The following LEO1 variants were observed in gnomAD, a reference collection of about 807,000 sequenced individuals.
LEO1 encodes the protein LEO1 component of Paf1/RNA polymerase II complex.
LEO1 carries 34 observed loss-of-function variants against 80.4 expected under a neutral mutation model. That is an observed-to-expected ratio of 0.42 (90% CI 0.32 to 0.56). The LOEUF is 0.56. LEO1 is among the 20% of genes least tolerant of loss of function. The probability of loss-of-function intolerance (pLI) is 0.10; values close to 1 mark genes in which losing one functional copy is unlikely to be tolerated. For missense variants in LEO1, 631 were observed against 814.2 expected (o/e 0.77, Z 2.74); for synonymous variants, 262 against 274.9 (o/e 0.95, Z 0.46).
intron 3 of LEO1, among the ~76,000 whole-genome samples, 159 bp downstream of exon 3, chr15:51,962,230 T>C (rs931890023): frequency 6.6e-6 from 1 of 151,912 alleles, no homozygotes; most frequent in African/African-American, 2.4e-5. Flanking sequence ...GAGCAGCTTC[T>C]CATAGCTATA....
intron 1 of LEO1, among the ~76,000 whole-genome samples, chr15:51,969,838 TAAAA>T (rs58342384): frequency 8.9e-5 from 8 of 89,964 alleles, no homozygotes; most frequent in East Asian, 3.5e-4. Context: ...GAGACTCCGT[TAAAA>T]AAAAAAAAAA....
Position 51,970,847 on chromosome 15 carries a change from A to C in LEO1, c.58+841T>G, listed in dbSNP as rs571610438. On this transcript the variant is annotated intron_variant, in intron 1 of 11. Transcript: ENST00000299601. ...CTCACTTCAAATAGCTCCTATTCAT[A>C]TTTCAAGTGCCCGTAGTCTCAACTA... Among the ~76,000 whole-genome samples the C allele has an allele frequency of 2.0e-5, 3 of 152,136 alleles. No individual in the cohort carries two copies. The South Asian group carries it at 6.2e-4, about 31-fold the overall frequency.
intron 11 of LEO1, among the ~76,000 whole-genome samples, chr15:51,942,921 C>CA (rs546843495): frequency 0.082 from 4,775 of 58,232 alleles, 212 homozygotes; most frequent in East Asian, 0.25. Flanking sequence ...GACTTTGTCT[C>CA]AAAAAAAAAA....
At chr15:51,963,078 A>G (rs1336537289) in intron 2 of LEO1, among the ~76,000 whole-genome samples, 1 of 152,124 alleles carries the variant, frequency 6.6e-6, no homozygotes, top group East Asian at 1.9e-4. Flanking sequence ...GGAATTCAAG[A>G]CCAGCCTGGC....
rs145765122 is a variant in LEO1 at position 51,956,406 on chromosome 15, G to C, written c.1246-1831C>G. 8.9e-5 allele frequency among the ~76,000 whole-genome samples: 11 copies of C among 123,806 alleles called. No homozygotes were observed. The East Asian group carries it at 2.7e-3, about 30-fold the overall frequency. The allele number at this position is 123,806 out of a possible 152,430, so 81.2% of individuals were successfully genotyped here. Reference sequence around the variant, plus strand: ...CTGCATTCCAGCCTGGGCGACGACAGAGCAAGACTCCATCTCAAAAAAAAA... The same window carrying C: ...CTGCATTCCAGCCTGGGCGACGACACAGCAAGACTCCATCTCAAAAAAAAA... On this transcript the variant is annotated intron_variant, in intron 6 of 11. Coordinates refer to ENST00000299601, the MANE Select transcript of LEO1 (RefSeq NM_138792.4).
chr15:51,964,988 C>A (rs925927552), intron 2 of LEO1, among the ~76,000 whole-genome samples: 7 of 152,094 alleles, frequency 4.6e-5, no homozygotes, highest in Admixed American at 4.6e-4. Flanking sequence ...AGTGCTGTAA[C>A]CCAAGCTCGT....
chr15:51,971,033 C>A (rs932213500), intron 1 of LEO1, among the ~76,000 whole-genome samples: 23 of 152,336 alleles, frequency 1.5e-4, no homozygotes, highest in African/African-American at 5.5e-4. Context: ...CTAATTCATT[C>A]ATTTCATCAA....
chr15:51,941,799 TTG>T (rs1177017286), intron 11 of LEO1, among the ~76,000 whole-genome samples: 1 of 152,380 alleles, frequency 6.6e-6, no homozygotes, highest in South Asian at 2.1e-4. Context: ...CTACTACATA[TTG>T]TGTTACTTTC....
chr15:51,966,497 A>C lies in LEO1; in HGVS notation c.66T>G (p.Asp22Glu). 1 of 1,561,146 alleles carries C rather than the reference A, an allele frequency of 6.4e-7. No homozygotes were observed. The highest frequency in any genetic ancestry group is 8.8e-7 in the Non-Finnish European group (1 of 1,135,132). The change falls in exon 2 of 12, where the codon GAT becomes GAG. Residue 22 changes from aspartate to glutamate, a missense_variant. Asp to Glu is a conservative substitution (Grantham distance 45). Transcript: ENST00000299601. ...GATCAGAATCTGAGTCAGATCCAGA[A>C]TCAGAATCTATGGGGTCATATAAAC... ...ADSEAERKDSDSGSDSDSDQE... is the reference protein window; with the variant it reads ...ADSEAERKDSESGSDSDSDQE...
At chr15:51,947,249 G>C (rs776341911) in intron 11 of LEO1, 43 bp downstream of exon 11, 21 of 1,326,320 alleles carry the variant, frequency 1.6e-5, no homozygotes, top group Non-Finnish European at 2.3e-5. Flanking sequence ...GTTGGCTCCT[G>C]AGTACAGGAT....
chr15:51,947,142 CTCTG>C, intron 11 of LEO1, 146 bp downstream of exon 11: 1 of 683,054 alleles, frequency 1.5e-6, no homozygotes, highest in African/African-American at 1.8e-5. Flanking sequence ...CTCTGGATCA[CTCTG>C]TCTTGTTACT....
Position 51,966,068 on chromosome 15 carries a change from C to A in LEO1, c.495G>T (p.Glu165Asp). The A allele has an allele frequency of 6.2e-7, 1 of 1,614,012 alleles. No homozygotes were observed. Among genetic ancestry groups the A allele is most frequent in the Non-Finnish European group, 8.5e-7 (1 of 1,180,028 alleles). The change falls in exon 2 of 12, where the codon GAG (glutamate) becomes GAT (aspartate). Residue 165 changes from glutamate (E) to aspartate (D), a missense_variant. Around this residue, in one of 4 missense-constraint regions of LEO1, gnomAD observed 394 missense variants for 395.6 expected, o/e 1.00. Transcript: ENST00000299601. ...DDEKIQNSDD[E>D]ERAQGSDEDK... ...CTTCATCAGATCCTTGTGCCCTCTC[C>A]TCATCATCAGAATTTTGTATCTTTT...
chr15:51,946,437 C>T (rs2056902023), intron 11 of LEO1, among the ~76,000 whole-genome samples: 1 of 152,182 alleles, frequency 6.6e-6, no homozygotes, highest in African/African-American at 2.4e-5. Context: ...CTCAGGTGAT[C>T]CGCTTGCCTC....
chr15:51,947,999 C>G (rs2056916596), intron 10 of LEO1, among the ~76,000 whole-genome samples: 1 of 152,158 alleles, frequency 6.6e-6, no homozygotes, highest in Non-Finnish European at 1.5e-5. Flanking sequence ...CTATTAAAGC[C>G]TGAGACATTC....
Position 51,953,156 on chromosome 15 carries a change from G to A in LEO1, c.1448C>T (p.Ala483Val). Residue 483 changes from alanine to valine, a missense_variant, in exon 8 of 12, where the codon GCA (alanine) becomes GTA (valine). Physicochemically the swap from Ala to Val is moderately conservative, Grantham distance 64 (BLOSUM62 0). This residue lies in a region of LEO1 where 25 missense variants were observed against 83.5 expected (regional missense o/e 0.30). Transcript: ENST00000299601. ...GAAGGTGAGTTTCGTTTTAAAGACT[G>A]CTTGTCCCTGTAGACCAGTACCTTG... is the stretch of plus-strand genomic sequence containing the variant. Reference protein sequence around the residue: ...IRQGTGLQGQAVFKTKLTFRP... With the variant: ...IRQGTGLQGQVVFKTKLTFRP... The A allele has an allele frequency of 6.2e-7, 1 of 1,613,510 alleles. No homozygotes were observed. The highest frequency in any genetic ancestry group is 8.5e-7 in the Non-Finnish European group (1 of 1,179,488).
At chr15:51,943,489 C>G (rs1408520705) in intron 11 of LEO1, among the ~76,000 whole-genome samples, 1 of 151,662 alleles carries the variant, frequency 6.6e-6, no homozygotes, top group Non-Finnish European at 1.5e-5. Flanking sequence ...ATCACAAGGT[C>G]AGGAGTTCGA....
chr15:51,966,247 G>C lies in LEO1; in HGVS notation c.316C>G (p.Gln106Glu). ...HEDNDPSDVDQHSGSEAPNDD... is the reference protein window; with the variant it reads ...HEDNDPSDVDEHSGSEAPNDD... ...TTAGGGGCTTCTGATCCACTGTGCT[G>C]ATCTACATCTGAGGGGTCATTGTCC... The change falls in exon 2 of 12, where the codon CAG becomes GAG. Residue 106 changes from glutamine to glutamate, a missense_variant. Coordinates refer to ENST00000299601, the MANE Select transcript of LEO1 (RefSeq NM_138792.4). The C allele has an allele frequency of 1.2e-6, 2 of 1,613,932 alleles. No individual in the cohort carries two copies.
chr15:51,949,922 G>C lies in LEO1; in HGVS notation c.1684C>G (p.Gln562Glu). The change falls in exon 10 of 12, where the codon CAG becomes GAG. Residue 562 changes from glutamine to glutamate, a missense_variant. By Grantham distance (29) the Gln-to-Glu change is conservative. Around this residue, in one of 4 missense-constraint regions of LEO1, gnomAD observed 117 missense variants for 163.5 expected, o/e 0.72. Transcript: ENST00000299601. ...QQRRMREKQH[Q>E]RGLSASYLEP... ...AGGTAACTGGCGCTCAGCCCCCGCT[G>C]GTGCTGTTTCTCTCTCATTCGGCGC... 2 of 1,613,996 alleles carry C rather than the reference G, an allele frequency of 1.2e-6. No individual in the cohort carries two copies. The highest frequency in any genetic ancestry group is 1.7e-6 in the Non-Finnish European group (2 of 1,179,994).
At chr15:51,958,149 A>T (rs2057003520) in intron 6 of LEO1, among the ~76,000 whole-genome samples, 1 of 152,094 alleles carries the variant, frequency 6.6e-6, no homozygotes, top group African/African-American at 2.4e-5. Context: ...CCCTTGTGCA[A>T]CTCAATTCTA....
Sources: allele counts gnomAD v4.1 joint callset (sites outside exome capture counted in the v4.1 genomes callset), GRCh38; gene constraint gnomAD v4.1.1; regional missense constraint gnomAD v4.1.1; transcripts MANE v1.5; gene names NCBI Gene and HGNC (gene_info 2026-07-23, HGNC 2026-07-21).